SLC4A4: variants seen among roughly 807,000 people sequenced by gnomAD.
The protein encoded by SLC4A4 is electrogenic sodium bicarbonate cotransporter 1.
SLC4A4 carries 27 observed loss-of-function variants against 111.5 expected under a neutral mutation model. The observed-to-expected ratio is 0.24, with a 90% CI of 0.18 to 0.33. The LOEUF (loss-of-function observed/expected upper bound fraction) is 0.33, where lower values mean the gene tolerates loss of function less well. Among genes scored for constraint, SLC4A4 ranks in the 10% least tolerant of loss-of-function variants. The pLI, the probability that SLC4A4 is intolerant of heterozygous loss-of-function variation, is 1.00. For missense variants in SLC4A4, 909 were observed against 1,315.5 expected (o/e 0.69, Z 4.78); for synonymous variants, 443 against 463.4 (o/e 0.96, Z 0.57).
At chr4:71,493,640 T>C (rs916145683) in intron 15 of SLC4A4, among the ~76,000 whole-genome samples, 2 of 152,044 alleles carry the variant, frequency 1.3e-5, no homozygotes, top group Admixed American at 6.6e-5. Flanking sequence ...GACGTCTCTC[T>C]CTCTGTCTTT....
intron 2 of SLC4A4, among the ~76,000 whole-genome samples, chr4:71,241,565 A>G (rs1720225985): frequency 6.6e-6 from 1 of 152,082 alleles, no homozygotes; most frequent in Non-Finnish European, 1.5e-5. Context: ...GTAATTTCTG[A>G]GAAGGAGTGA....
At chr4:71,425,520 C>T in intron 7 of SLC4A4, among the ~76,000 whole-genome samples, 1 of 152,076 alleles carries the variant, frequency 6.6e-6, no homozygotes, top group East Asian at 1.9e-4. Flanking sequence ...GTTTATTTTG[C>T]CAAGATTGAG....
intron 7 of SLC4A4, among the ~76,000 whole-genome samples, chr4:71,438,802 A>T (rs961994378): frequency 6.6e-6 from 1 of 152,152 alleles, no homozygotes; most frequent in Non-Finnish European, 1.5e-5. Flanking sequence ...CATGAATTAA[A>T]ATGATATTTC....
intron 21 of SLC4A4, among the ~76,000 whole-genome samples, chr4:71,556,206 GT>G (rs1440558424): frequency 1.3e-5 from 2 of 151,946 alleles, no homozygotes; most frequent in African/African-American, 4.8e-5. Flanking sequence ...GGTCTGCTGA[GT>G]AGAGTTCGTC....
At chr4:71,221,032 C>T (rs995726029) in intron 1 of SLC4A4, among the ~76,000 whole-genome samples, 1 of 152,274 alleles carries the variant, frequency 6.6e-6, no homozygotes, top group African/African-American at 2.4e-5. Context: ...ATCCATGTTC[C>T]TGCAAAATAC....
chr4:71,071,281 A>AG (rs370680441), intron 1 of SLC4A4, among the ~76,000 whole-genome samples: 1 of 150,852 alleles, frequency 6.6e-6, no homozygotes, highest in South Asian at 2.1e-4. Context: ...AAAAAAAAAA[A>AG]GGAAAGAAGA....
At chr4:71,488,400 A>C (rs1729611180) in intron 15 of SLC4A4, among the ~76,000 whole-genome samples, 1 of 151,630 alleles carries the variant, frequency 6.6e-6, no homozygotes, top group South Asian at 2.1e-4. Flanking sequence ...TCTTGAAAAA[A>C]AATGGAAGTT....
In SLC4A4 at chr4:71,567,012, T is replaced by G; in HGVS notation, c.3205T>G (p.Ser1069Ala). The G allele has an allele frequency of 6.2e-7, 1 of 1,609,800 alleles. No homozygotes were observed. The highest frequency in any genetic ancestry group is 1.7e-4 in the Middle Eastern group (1 of 6,026). Residue 1069 changes from serine to alanine, a missense_variant, in exon 25 of 26, where the codon TCA becomes GCA. By Grantham distance (99) the Ser-to-Ala change is moderately conservative. Transcript: ENST00000264485. ...SDSKPSDRER[S>A]PTFLERHTSC ...AAAATTTTATTTTCCAGGAGAAAGA[T>G]CACCAACATTCCTTGAACGCCACAC...
chr4:71,145,297 C>A (rs1212715735), intron 2 of SLC4A4, among the ~76,000 whole-genome samples: 2 of 152,072 alleles, frequency 1.3e-5, no homozygotes, highest in Non-Finnish European at 2.9e-5. Context: ...GGGATGAAGC[C>A]CACTTGATCA....
At chr4:71,450,605 T>TAAA in intron 10 of SLC4A4, 62 bp downstream of exon 10, 4 of 1,202,634 alleles carry the variant, frequency 3.3e-6, no homozygotes, top group African/African-American at 1.6e-5. Flanking sequence ...GAGGTTGTGT[T>TAAA]AAAAAAAAAA....
In SLC4A4 at chr4:71,153,725, T is replaced by C. The variant is rs79415209; in HGVS notation, c.-2+60933T>C. Among the ~76,000 whole-genome samples the C allele has an allele frequency of 8.7e-3, 1,319 of 152,290 alleles. 7 individuals carry two copies. Among genetic ancestry groups the C allele is most frequent in the Non-Finnish European group, 0.013 (899 of 68,010 alleles). On this transcript the variant is annotated intron_variant, in intron 2 of 26. Transcript: ENST00000649996. ...AATATTTCATTATCTACACTACACC[T>C]TACAAGCAAAAGGCCAGACTCGCTG...
At chr4:71,553,244 C>T (rs1736190185) in intron 20 of SLC4A4, among the ~76,000 whole-genome samples, 1 of 151,806 alleles carries the variant, frequency 6.6e-6, no homozygotes, top group Non-Finnish European at 1.5e-5. Context: ...TATTTTTCTA[C>T]CCACAACCCA....
At chr4:71,226,705 G>A (rs1263579143) in intron 1 of SLC4A4, among the ~76,000 whole-genome samples, 1 of 152,062 alleles carries the variant, frequency 6.6e-6, no homozygotes, top group East Asian at 1.9e-4. Context: ...AAATTTGCTT[G>A]TTTATGGGGT....
chr4:71,423,758 T>C (rs1448100222), intron 7 of SLC4A4, among the ~76,000 whole-genome samples: 1 of 152,210 alleles, frequency 6.6e-6, no homozygotes, highest in African/African-American at 2.4e-5. Context: ...CCCTATTTAA[T>C]AAATGGTGCT....
At chr4:71,281,019 T>C (rs1007430498) in intron 3 of SLC4A4, among the ~76,000 whole-genome samples, 2 of 152,206 alleles carry the variant, frequency 1.3e-5, no homozygotes, top group Non-Finnish European at 1.5e-5. Context: ...AGAGAATTAA[T>C]ATATATTTGA....
intron 1 of SLC4A4, among the ~76,000 whole-genome samples, chr4:71,085,487 A>G (rs1302870452): frequency 6.6e-6 from 1 of 152,018 alleles, no homozygotes; most frequent in Non-Finnish European, 1.5e-5. Context: ...GCCCATGCCT[A>G]TGTACTGAAT....
chr4:71,531,729 G>A (rs1367183689), intron 16 of SLC4A4, among the ~76,000 whole-genome samples: 3 of 141,442 alleles, frequency 2.1e-5, no homozygotes, highest in Non-Finnish European at 4.5e-5. Flanking sequence ...TCAGGGGTAC[G>A]TTCTATTTGA....
chr4:71,209,829 TTAAC>T (rs1201027677), intron 1 of SLC4A4, among the ~76,000 whole-genome samples: 1 of 152,220 alleles, frequency 6.6e-6, no homozygotes, highest in Non-Finnish European at 1.5e-5. Flanking sequence ...TATTTTTGGA[TTAAC>T]TATTATTTAC....
intron 3 of SLC4A4, among the ~76,000 whole-genome samples, chr4:71,295,610 G>T (rs1252359331): frequency 6.6e-6 from 1 of 151,956 alleles, no homozygotes; most frequent in South Asian, 2.1e-4. Context: ...TGCAGCATCT[G>T]CTCAGTCCTC....
Sources: gnomAD v4.1 joint callset for allele counts (sites outside exome capture counted in the v4.1 genomes callset) on GRCh38, gnomAD v4.1.1 for gene constraint, MANE v1.5 for transcripts, NCBI Gene and HGNC (gene_info 2026-07-23, HGNC 2026-07-21) for gene names.